Variants in ZNF385B observed in about 807,000 individuals in gnomAD.
The protein encoded by ZNF385B is zinc finger protein 533.
ZNF385B carries 23 observed loss-of-function variants against 39.2 expected under a neutral mutation model. That is an observed-to-expected ratio of 0.59 (90% CI 0.42 to 0.83). ZNF385B has a LOEUF of 0.83. Among genes scored for constraint, ZNF385B ranks in the 40% least tolerant of loss-of-function variants. The pLI is 0.00. For synonymous variants in ZNF385B, 205 were observed against 222.6 expected, an observed-to-expected ratio of 0.92 and a Z score of 0.70; for missense variants, 552 against 598.9, an observed-to-expected ratio of 0.92 and a Z score of 0.82.
intron 1 of ZNF385B, among the ~76,000 whole-genome samples, chr2:179,857,486 G>C (rs1684695471): frequency 6.6e-6 from 1 of 152,192 alleles, no homozygotes; most frequent in Non-Finnish European, 1.5e-5. Flanking sequence ...CTCTCGACAA[G>C]TGGAAATAAT....
At chr2:179,488,826 C>T (rs949064264) in intron 5 of ZNF385B, among the ~76,000 whole-genome samples, 1 of 151,980 alleles carries the variant, frequency 6.6e-6, no homozygotes, top group African/African-American at 2.4e-5. Flanking sequence ...GTCAAATGAG[C>T]GACCATAAAA....
At chr2:179,726,200 C>T (rs115218542) in intron 3 of ZNF385B, among the ~76,000 whole-genome samples, 3,018 of 151,980 alleles carry the variant, frequency 0.02, 88 homozygotes, top group African/African-American at 0.067. Context: ...CCTTTGGTGT[C>T]CTGTATCTTT....
intron 3 of ZNF385B, among the ~76,000 whole-genome samples, chr2:179,634,867 C>T (rs566361507): frequency 5.9e-5 from 9 of 151,824 alleles, no homozygotes; most frequent in Admixed American, 1.3e-4. Context: ...CCATGGCTCA[C>T]GCCTGTAATC....
intron 1 of ZNF385B, chr2:179,814,563 A>G (rs1022384766): frequency 7.8e-6 from 6 of 771,862 alleles, no homozygotes; most frequent in Admixed American, 1.9e-5. Context: ...TAACTGGGCC[A>G]TGGAGGACAA....
At chr2:179,763,357 ATC>A in intron 3 of ZNF385B, among the ~76,000 whole-genome samples, 1 of 152,256 alleles carries the variant, frequency 6.6e-6, no homozygotes, top group Non-Finnish European at 1.5e-5. Context: ...AATATCATGT[ATC>A]TCATTGGTAT....
chr2:179,649,167 A>G (rs1263410410), intron 3 of ZNF385B, among the ~76,000 whole-genome samples: 3 of 152,204 alleles, frequency 2.0e-5, no homozygotes. Context: ...ACTGGGCAGT[A>G]ATTTTCAAGA....
chr2:179,573,441 A>G (rs1685457455), intron 3 of ZNF385B, among the ~76,000 whole-genome samples: 1 of 152,134 alleles, frequency 6.6e-6, no homozygotes, highest in South Asian at 2.1e-4. Context: ...AAAAAGAAAA[A>G]CCAAAAAAAC....
chr2:179,681,995 G>C (rs1046056113), intron 3 of ZNF385B, among the ~76,000 whole-genome samples: 1 of 152,164 alleles, frequency 6.6e-6, no homozygotes, highest in South Asian at 2.1e-4. Flanking sequence ...ATTTGGCTGG[G>C]CAAACCAATA....
intron 4 of ZNF385B, among the ~76,000 whole-genome samples, chr2:179,534,955 C>T (rs1574657283): frequency 6.6e-6 from 1 of 152,132 alleles, no homozygotes; most frequent in East Asian, 1.9e-4. Flanking sequence ...CATGTGATAG[C>T]AGTCATTCAT....
At chr2:179,490,135 A>G (rs2055053547) in intron 5 of ZNF385B, among the ~76,000 whole-genome samples, 2 of 152,120 alleles carry the variant, frequency 1.3e-5, no homozygotes, top group Admixed American at 6.6e-5. Context: ...AACTCCAAAT[A>G]TTTCTATGTT....
At chr2:179,801,120 TTTA>T (rs1475459891) in intron 1 of ZNF385B, among the ~76,000 whole-genome samples, 2 of 152,082 alleles carry the variant, frequency 1.3e-5, no homozygotes, top group African/African-American at 2.4e-5. Flanking sequence ...TGCTTTTGTG[TTTA>T]TTACCTAATC....
At chr2:179,776,834 T>C (rs967670056) in intron 1 of ZNF385B, among the ~76,000 whole-genome samples, 2 of 152,138 alleles carry the variant, frequency 1.3e-5, no homozygotes, top group African/African-American at 2.4e-5. Context: ...AGGGGAGATA[T>C]TTGAACTATT....
At chr2:179,521,703 G>A (rs1015023542) in intron 4 of ZNF385B, among the ~76,000 whole-genome samples, 9 of 152,070 alleles carry the variant, frequency 5.9e-5, no homozygotes, top group Non-Finnish European at 1.3e-4. Context: ...ACTCTCCTCA[G>A]AATTGGCTCC....
chr2:179,679,809 T>G (rs1427398932), intron 3 of ZNF385B, among the ~76,000 whole-genome samples: 1 of 152,202 alleles, frequency 6.6e-6, no homozygotes, highest in Non-Finnish European at 1.5e-5. Flanking sequence ...ATTCTGAGAC[T>G]TAACAGTTTT....
chr2:179,603,639 T>C (rs1010412390), intron 3 of ZNF385B, among the ~76,000 whole-genome samples: 1 of 152,186 alleles, frequency 6.6e-6, no homozygotes, highest in African/African-American at 2.4e-5. Context: ...ATCATGTGAT[T>C]GTAGCAACAA....
chr2:179,499,611 C>T (rs74929478), intron 5 of ZNF385B, among the ~76,000 whole-genome samples: 3 of 151,854 alleles, frequency 2.0e-5, no homozygotes, highest in African/African-American at 7.2e-5. Flanking sequence ...GATAAAAACC[C>T]TAAGAAAACA....
At chr2:179,703,895 C>T (rs1282235849) in intron 3 of ZNF385B, among the ~76,000 whole-genome samples, 3 of 152,132 alleles carry the variant, frequency 2.0e-5, no homozygotes, top group African/African-American at 7.2e-5. Flanking sequence ...GGCTCCTGAC[C>T]ACAGTAGCAG....
At chr2:179,660,257 C>T (rs1694314406) in intron 3 of ZNF385B, 1 of 152,292 alleles carries the variant, frequency 6.6e-6, no homozygotes, top group Non-Finnish European at 1.5e-5. Flanking sequence ...ACTCCACTCA[C>T]TCACTGTGTA....
chr2:179,497,996 A>C (rs1034435939), intron 5 of ZNF385B, among the ~76,000 whole-genome samples: 11 of 152,170 alleles, frequency 7.2e-5, no homozygotes, highest in African/African-American at 2.7e-4. Flanking sequence ...TAAAGGGGTC[A>C]ATGCAGCAAA....
Sources: gnomAD v4.1 joint callset for allele counts (sites outside exome capture counted in the v4.1 genomes callset) on GRCh38, gnomAD v4.1.1 for gene constraint, MANE v1.5 for transcripts, NCBI Gene and HGNC (gene_info 2026-07-23, HGNC 2026-07-21) for gene names.